Variants in MIDEAS observed in about 807,000 individuals in gnomAD.
The protein encoded by MIDEAS is mitotic deacetylase-associated SANT domain protein.
In MIDEAS, 26 loss-of-function variants were observed where a neutral mutation model predicts 102.7. The ratio of observed to expected loss-of-function variants is 0.25; its 90% CI spans 0.19 to 0.35. MIDEAS has a LOEUF of 0.35. Among genes scored for constraint, MIDEAS ranks in the 10% least tolerant of loss-of-function variants. MIDEAS has a pLI of 1.00. For missense variants in MIDEAS, 1,231 were observed against 1,435.6 expected (o/e 0.86, Z 2.30); for synonymous variants, 585 against 591.0 (o/e 0.99, Z 0.15).
intron 2 of MIDEAS, 49 bp from the exon 3 acceptor site, chr14:73,737,346 A>T: frequency 6.4e-7 from 1 of 1,561,654 alleles, no homozygotes; most frequent in Admixed American, 1.8e-5. Flanking sequence ...AGTCATAGCC[A>T]GGCGCAGTGG....
At chr14:73,731,745 C>T (rs2053142716) in intron 3 of MIDEAS, among the ~76,000 whole-genome samples, 1 of 152,186 alleles carries the variant, frequency 6.6e-6, no homozygotes, top group Non-Finnish European at 1.5e-5. Flanking sequence ...TTCAAAATAA[C>T]CCAGTGGCAT....
At chr14:73,720,467 C>A (rs1207386962) in intron 11 of MIDEAS, among the ~76,000 whole-genome samples, 1 of 152,006 alleles carries the variant, frequency 6.6e-6, no homozygotes, top group Non-Finnish European at 1.5e-5. Context: ...AGGCTGGTCT[C>A]GACTCCTGAC....
intron 9 of MIDEAS, chr14:73,723,994 T>TC (rs1179030879): frequency 6.6e-6 from 1 of 152,166 alleles, no homozygotes; most frequent in Non-Finnish European, 1.5e-5. Context: ...GCCTAAGTCT[T>TC]CCTCCTGACT....
chr14:73,746,856 C>T (rs758226236), intron 1 of MIDEAS, among the ~76,000 whole-genome samples: 1 of 152,236 alleles, frequency 6.6e-6, no homozygotes, highest in Non-Finnish European at 1.5e-5. Flanking sequence ...TTGCTGAGCA[C>T]TTGCTGCAAG....
rs766441826 is a variant in MIDEAS, at chr14:73,739,904, G to A, written c.105C>T (p.Pro35=). The A allele has an allele frequency of 3.1e-5, 48 of 1,553,876 alleles. No homozygotes were observed. Among genetic ancestry groups the A allele is most frequent in the Admixed American group, 7.7e-5 (4 of 51,766 alleles). The change falls in exon 2 of 13, where the codon CCC becomes CCT. Residue 35 remains proline, a synonymous_variant. Transcript: ENST00000423556. ...PKEQPPPLQP[P]QQSIRVKEEQ... is the part of the protein sequence containing the mutation. ...CCTCCTTCACTCTGATGGACTGCTG[G>A]GGGGGCTGCAGGGGAGGGGGCTGCT...
At chr14:73,721,752 G>A (rs2052998232) in intron 10 of MIDEAS, 1 of 465,262 alleles carries the variant, frequency 2.1e-6, no homozygotes, top group South Asian at 3.1e-5. Flanking sequence ...GTACATACCA[G>A]TCACTCCCCA....
At chr14:73,779,120 C>A (rs1399520334) in intron 1 of MIDEAS, among the ~76,000 whole-genome samples, 1 of 151,850 alleles carries the variant, frequency 6.6e-6, no homozygotes, top group African/African-American at 2.4e-5. Flanking sequence ...GCATGGTTGG[C>A]GCATGCCTGT....
Position 73,726,097 on chromosome 14 carries a change from A to T in MIDEAS, c.2421T>A (p.Asn807Lys). 6.3e-7 allele frequency: 1 copy of T among 1,593,204 alleles called. No individual in the cohort carries two copies. The highest frequency in any genetic ancestry group is 8.5e-7 in the Non-Finnish European group (1 of 1,170,682). The change falls in exon 8 of 13, where the codon AAT becomes AAA. Residue 807 changes from asparagine to lysine, a missense_variant. Transcript: ENST00000423556. ...ESRGDILETL[N>K]KLLLKKPLRP... is the part of the protein sequence containing the mutation. ...GCAGGGGCTTCTTCAGCAGCAGCTT[A>T]TTCAGCGTTTCCTGGAGGGGAAGTG...
chr14:73,736,513 C>A (rs1162902952), intron 3 of MIDEAS, among the ~76,000 whole-genome samples: 1 of 151,744 alleles, frequency 6.6e-6, no homozygotes, highest in South Asian at 2.1e-4. Context: ...CGCCTATAGT[C>A]CCAGCTACTC....
Position 73,740,050 on chromosome 14 carries a change from A to C in MIDEAS, c.-42T>G. ...CCCTGGCGGTGAGATCCCCTTCAAC[A>C]GTCGCCCATCCCCTGGGGAAACGTC... On this transcript the variant is annotated 5_prime_UTR_variant, in exon 2 of 13. Coordinates refer to ENST00000423556, the MANE Select transcript of MIDEAS (RefSeq NM_001367710.1). 1 of 1,437,074 alleles carries C rather than the reference A, an allele frequency of 7.0e-7. No homozygotes were observed. The highest frequency in any genetic ancestry group is 9.1e-7 in the Non-Finnish European group (1 of 1,093,072). 89.0% of individuals were successfully genotyped at this position (1,437,074 alleles called of 1,614,324 possible). A position where few individuals can be genotyped will look rare whatever the true frequency, so the allele number is the denominator to read the frequency against.
intron 1 of MIDEAS, among the ~76,000 whole-genome samples, chr14:73,758,504 AG>A (rs1269863683): frequency 1.3e-5 from 2 of 152,186 alleles, no homozygotes; most frequent in African/African-American, 4.8e-5. Context: ...GGAGCAAGCC[AG>A]ACATCCCCTC....
chr14:73,720,719 A>G (rs1279060530), intron 11 of MIDEAS, among the ~76,000 whole-genome samples: 4 of 152,214 alleles, frequency 2.6e-5, no homozygotes, highest in Non-Finnish European at 1.5e-5. Flanking sequence ...CTAGGAGTCC[A>G]AGGACCTGGG....
chr14:73,758,312 A>C (rs981032743), intron 1 of MIDEAS, among the ~76,000 whole-genome samples: 1 of 152,242 alleles, frequency 6.6e-6, no homozygotes, highest in African/African-American at 2.4e-5. Context: ...TCTCTGATCC[A>C]AAAGGGGCGT....
intron 1 of MIDEAS, among the ~76,000 whole-genome samples, chr14:73,783,027 T>G (rs574672029): frequency 6.6e-6 from 1 of 152,120 alleles, no homozygotes; most frequent in Non-Finnish European, 1.5e-5. Flanking sequence ...TTATTGAGAC[T>G]TGCTATGAGT....
intron 1 of MIDEAS, among the ~76,000 whole-genome samples, chr14:73,746,961 G>A (rs879892735): frequency 2.6e-5 from 4 of 152,156 alleles, no homozygotes; most frequent in Admixed American, 6.5e-5. Flanking sequence ...AAGGAAGCCC[G>A]TGCAGGGACT....
chr14:73,766,282 C>T (rs1468785597), intron 1 of MIDEAS, among the ~76,000 whole-genome samples: 2 of 152,240 alleles, frequency 1.3e-5, no homozygotes, highest in Non-Finnish European at 2.9e-5. Flanking sequence ...AGATCTTCCT[C>T]ACCTTAGTAT....
chr14:73,739,444 G>A lies in MIDEAS; in HGVS notation c.565C>T (p.Leu189=). 3 of 1,594,600 alleles carry A rather than the reference G, an allele frequency of 1.9e-6. No homozygotes were observed. Among genetic ancestry groups the A allele is most frequent in the Non-Finnish European group, 2.6e-6 (3 of 1,169,566 alleles). ...GGTGCCTGGGGCCGCCCTACCTCCA[G>A]CTGCACCTTCTGTGGCATCATTGGT... The part of the protein sequence containing the change: ...VRPMMPQKVQ[L]EVGRPQAPLN... The change falls in exon 2 of 13, where the codon CTG becomes TTG. Residue 189 remains leucine (L), a synonymous_variant. Coordinates refer to ENST00000423556, the MANE Select transcript of MIDEAS (RefSeq NM_001367710.1).
intron 1 of MIDEAS, among the ~76,000 whole-genome samples, chr14:73,779,502 AATAT>A (rs1458393092): frequency 1.3e-5 from 2 of 151,042 alleles, no homozygotes; most frequent in Admixed American, 6.6e-5. Context: ...GTGCCCTCCT[AATAT>A]ATAATCAAGG....
At chr14:73,734,372 A>G (rs2053176621) in intron 3 of MIDEAS, among the ~76,000 whole-genome samples, 1 of 152,034 alleles carries the variant, frequency 6.6e-6, no homozygotes, top group Admixed American at 6.6e-5. Context: ...TAATAAGTTA[A>G]ATTCTTTCCT....
Sources: gnomAD v4.1 joint callset for allele counts (sites outside exome capture counted in the v4.1 genomes callset) on GRCh38, gnomAD v4.1.1 for gene constraint, MANE v1.5 for transcripts, NCBI Gene and HGNC (gene_info 2026-07-23, HGNC 2026-07-21) for gene names.